PAQR9: variants seen among roughly 807,000 people sequenced by gnomAD.
PAQR9 encodes membrane progestin receptor epsilon.
In PAQR9, 12 loss-of-function variants were observed where a neutral mutation model predicts 24.0. The observed-to-expected ratio is 0.50, with a 90% CI of 0.32 to 0.81. PAQR9 has a LOEUF of 0.81. Ranked by LOEUF, PAQR9 falls within the 30% of genes least tolerant of loss-of-function variation. The pLI, the probability that PAQR9 is intolerant of heterozygous loss-of-function variation, is 0.03. For missense variants in PAQR9, 418 were observed against 520.8 expected (o/e 0.80, Z 1.92); for synonymous variants, 266 against 237.6 (o/e 1.12, Z -1.10).
In PAQR9 at chr3:142,962,491, G is replaced by C. The variant is rs1294150779; in HGVS notation, c.846C>G (p.Phe282Leu). 3 of 1,613,348 alleles carry C rather than the reference G, an allele frequency of 1.9e-6. No individual in the cohort carries two copies. The highest frequency in any genetic ancestry group is 1.7e-6 in the Non-Finnish European group (2 of 1,179,784). ...TLFVHFYRRY[F>L]WLVVAAFFNV... ...TGAAGAAGGCGGCCACCACCAGCCA[G>C]AAGTAGCGGCGGTAGAAGTGCACGA... Residue 282 changes from phenylalanine to leucine, a missense_variant, in exon 1 of 1, where the codon TTC (phenylalanine) becomes TTG (leucine). Physicochemically the swap from Phe to Leu is conservative, Grantham distance 22. Transcript: ENST00000340634.
chr3:142,962,536 A>G lies in PAQR9; in HGVS notation c.801T>C (p.Arg267=). Residue 267 remains arginine, a synonymous_variant, in exon 1 of 1, where the codon CGT becomes CGC. Coordinates refer to ENST00000340634, the MANE Select transcript of PAQR9 (RefSeq NM_198504.4). The stretch of plus-strand genomic sequence containing the variant: ...GCACGAAGAGTGTGGGGTTCTCCCC[A>G]CGCAGGTCGAAGAGCCAGCTCTCGA... ...IMLESWLFDL[R]GENPTLFVHF... 6.2e-7 allele frequency: 1 copy of G among 1,613,738 alleles called. No individual in the cohort carries two copies. The highest frequency in any genetic ancestry group is 8.5e-7 in the Non-Finnish European group (1 of 1,179,954).
chr3:142,952,208 A>G (rs1934726402), downstream of PAQR9, among the ~76,000 whole-genome samples: 1 of 152,154 alleles, frequency 6.6e-6, no homozygotes, highest in South Asian at 2.1e-4. Flanking sequence ...TGTAATGGAT[A>G]GAGTGTGGTT....
downstream of PAQR9, among the ~76,000 whole-genome samples, chr3:142,952,469 G>C (rs1934729097): frequency 6.6e-6 from 1 of 152,168 alleles, no homozygotes; most frequent in Non-Finnish European, 1.5e-5. Flanking sequence ...TGCAAATCCT[G>C]TTATACATGG....
At chr3:142,951,803 G>C (rs1161150627), downstream of PAQR9, 1 of 456,412 alleles carries the variant, frequency 2.2e-6, no homozygotes, top group African/African-American at 2.0e-5. Flanking sequence ...GTCAGCAGAG[G>C]AGACTGTAAA....
At position 142,963,263 on chromosome 3, in the gene PAQR9, G is replaced by A. The variant is rs564554259; in HGVS notation, c.74C>T (p.Ala25Val). 1.3e-5 allele frequency: 20 copies of A among 1,516,260 alleles called. No homozygotes were observed. Among genetic ancestry groups the A allele is most frequent in the Non-Finnish European group, 1.7e-5 (19 of 1,132,980 alleles). The allele number at this position is 1,516,260 out of a possible 1,614,324, so 93.9% of individuals were successfully genotyped here. A position where few individuals can be genotyped will look rare whatever the true frequency, so the allele number is the denominator to read the frequency against. ...GGCGGCAGAGTGGGAGTTCCGGGCG[G>A]CCCCCGAAGCTGCCGGGGCCGGGGC... Reference protein sequence around the residue: ...PPAPAPAASGAARNSHSAASR... With the variant: ...PPAPAPAASGVARNSHSAASR... Residue 25 changes from alanine to valine, a missense_variant, in exon 1 of 1, where the codon GCC becomes GTC. By Grantham distance (64) the Ala-to-Val change is moderately conservative (BLOSUM62 0). Coordinates refer to ENST00000340634, the MANE Select transcript of PAQR9 (RefSeq NM_198504.4).
rs1934794181 is a variant in PAQR9, at chr3:142,956,657, A to C, written c.*5546T>G. Among the ~76,000 whole-genome samples, 1 of 152,140 alleles carries C rather than the reference A, an allele frequency of 6.6e-6. No individual in the cohort carries two copies. The highest frequency in any genetic ancestry group is 2.4e-5 in the African/African-American group (1 of 41,436). ...CACATCCTGCCACAATTAACAGCTA[A>C]ATGAGCATTCTTGGCCCCTGACCTA... is the stretch of plus-strand genomic sequence containing the variant. On this transcript the variant is annotated 3_prime_UTR_variant, in exon 1 of 1. Coordinates refer to ENST00000340634, the MANE Select transcript of PAQR9 (RefSeq NM_198504.4).
chr3:142,957,899 CA>C lies in PAQR9; in HGVS notation c.*4303del, dbSNP rs1465822002. The stretch of plus-strand genomic sequence containing the variant: ...ATTCTATGGATTGCACTTATGCTAG[CA>C]AAAAAAGAGACCCAAACTCAGGGAC... On this transcript the variant is annotated 3_prime_UTR_variant, in exon 1 of 1. Coordinates refer to ENST00000340634, the MANE Select transcript of PAQR9 (RefSeq NM_198504.4). Among the ~76,000 whole-genome samples the C allele has an allele frequency of 4.6e-5, 7 of 152,050 alleles. No homozygotes were observed. The highest frequency in any genetic ancestry group is 1.7e-4 in the African/African-American group (7 of 41,392).
In PAQR9 at chr3:142,963,044, A is replaced by C; in HGVS notation, c.293T>G (p.Leu98Arg). The C allele has an allele frequency of 6.2e-7, 1 of 1,614,186 alleles. No individual in the cohort carries two copies. The highest frequency in any genetic ancestry group is 8.5e-7 in the Non-Finnish European group (1 of 1,180,014). The change falls in exon 1 of 1, where the codon CTG (leucine) becomes CGG (arginine). Residue 98 changes from leucine (L) to arginine (R), a missense_variant. Leu to Arg is a moderately radical substitution (Grantham distance 102, BLOSUM62 -2). Transcript: ENST00000340634. ...GAAGAACAGACGGCAGAACTTGCTC[A>C]GGAACAGCAGCAGCGGGATGAAGTG... Reference protein sequence around the residue: ...WTHFIPLLLFLSKFCRLFFLS... With the variant: ...WTHFIPLLLFRSKFCRLFFLS...
rs192605235 is a variant in PAQR9, at chr3:142,957,207, G to A, written c.*4996C>T. ...AATATACCTGGACACTCGTGCTCAG[G>A]TCAAACGCTACAAGATGTGGTTAAG... On this transcript the variant is annotated 3_prime_UTR_variant, in exon 1 of 1. Coordinates refer to ENST00000340634, the MANE Select transcript of PAQR9 (RefSeq NM_198504.4). Among the ~76,000 whole-genome samples, 123 of 152,316 alleles carry A rather than the reference G, an allele frequency of 8.1e-4. No individual in the cohort carries two copies. The highest frequency in any genetic ancestry group is 6.8e-3 in the Middle Eastern group (2 of 294).
At chr3:142,952,729 G>C, downstream of PAQR9, 1 of 456,508 alleles carries the variant, frequency 2.2e-6, no homozygotes, top group East Asian at 7.0e-5. Context: ...ACTGTTAGTA[G>C]CAGCCAGGGC....
chr3:142,952,828 G>A (rs768792693), downstream of PAQR9: 12 of 456,572 alleles, frequency 2.6e-5, no homozygotes, highest in South Asian at 9.3e-5. Flanking sequence ...CCAATCTTCC[G>A]TGATTTGTCC....
rs1934927215 is a variant in PAQR9, at chr3:142,962,797, G to A, written c.540C>T (p.Leu180=). The A allele has an allele frequency of 1.2e-6, 2 of 1,612,598 alleles. No individual in the cohort carries two copies. The highest frequency in any genetic ancestry group is 1.3e-5 in the African/African-American group (1 of 75,068). ...TCATGACTCTGGCATCCAGCAAGCT[G>A]AGGCCTGGCAACAGGTAGTAGTAGT... The part of the protein sequence containing the change: ...VAYYYYLLPG[L]SLLDARVMTP... The change falls in exon 1 of 1, where the codon CTC becomes CTT. Residue 180 remains leucine (L), a synonymous_variant. Coordinates refer to ENST00000340634, the MANE Select transcript of PAQR9 (RefSeq NM_198504.4).
At position 142,959,731 on chromosome 3, in the gene PAQR9, A is replaced by G. The variant is rs1326832335; in HGVS notation, c.*2472T>C. ...GACAAGAAGAGAATTCTGTCTGTGG[A>G]CCTGGAAGAACAACAAAAAATTAAA... On this transcript the variant is annotated 3_prime_UTR_variant, in exon 1 of 1. Transcript: ENST00000340634. Among the ~76,000 whole-genome samples, 1 of 152,226 alleles carries G rather than the reference A, an allele frequency of 6.6e-6. No homozygotes were observed. The highest frequency in any genetic ancestry group is 1.5e-5 in the Non-Finnish European group (1 of 68,028).
In PAQR9 at chr3:142,956,521, T is replaced by C. The variant is rs1299040199; in HGVS notation, c.*5682A>G. 2.0e-5 allele frequency among the ~76,000 whole-genome samples: 3 copies of C among 152,210 alleles called. No homozygotes were observed. ...GCATTACATTTAGAAGCACAATACATTGGGAAACATTCTCAAAAGCTCAAA... is the reference window on the plus strand; with the variant it reads ...GCATTACATTTAGAAGCACAATACACTGGGAAACATTCTCAAAAGCTCAAA... On this transcript the variant is annotated 3_prime_UTR_variant, in exon 1 of 1. Transcript: ENST00000340634.
At chr3:142,953,592 G>A (rs567715015), downstream of PAQR9, among the ~76,000 whole-genome samples, 22 of 152,052 alleles carry the variant, frequency 1.4e-4, no homozygotes, top group Non-Finnish European at 1.9e-4. Context: ...GGCTCAAACC[G>A]CCAGTCTCCC....
Position 142,963,193 on chromosome 3 carries a change from G to C in PAQR9, c.144C>G (p.Asp48Glu), listed in dbSNP as rs1390774381. 1 of 1,581,894 alleles carries C rather than the reference G, an allele frequency of 6.3e-7. No individual in the cohort carries two copies. The highest frequency in any genetic ancestry group is 8.6e-7 in the Non-Finnish European group (1 of 1,164,348). Reference sequence around the variant, plus strand: ...ACTCCACGAAGTCGTCGGGCACCTCGTCCCAGCGCAGCAGCGGCTTGGCAG... The same window carrying C: ...ACTCCACGAAGTCGTCGGGCACCTCCTCCCAGCGCAGCAGCGGCTTGGCAG... The part of the protein sequence containing the change: ...PASAKPLLRW[D>E]EVPDDFVECF... Residue 48 changes from aspartate (D) to glutamate (E), a missense_variant, in exon 1 of 1, where the codon GAC becomes GAG. Asp to Glu is a conservative substitution (Grantham distance 45). Transcript: ENST00000340634.
rs896622921 is a variant in PAQR9, at chr3:142,955,499, A to C, written c.*6704T>G. On this transcript the variant is annotated 3_prime_UTR_variant, in exon 1 of 1. Coordinates refer to ENST00000340634, the MANE Select transcript of PAQR9 (RefSeq NM_198504.4). Reference sequence around the variant, plus strand: ...AAAAGCAGCCACAGAATCCTCCCCCAGCCCTGAAACACAGAAAGCCTTTTT... The same window carrying C: ...AAAAGCAGCCACAGAATCCTCCCCCCGCCCTGAAACACAGAAAGCCTTTTT... Among the ~76,000 whole-genome samples the C allele has an allele frequency of 3.8e-5, 5 of 132,340 alleles. No individual in the cohort carries two copies. In the South Asian group the frequency reaches 8.3e-4, roughly 22 times the overall value. 86.8% of individuals were successfully genotyped at this position (132,340 alleles called of 152,430 possible). A position where few individuals can be genotyped will look rare whatever the true frequency, so the allele number is the denominator to read the frequency against.
upstream of PAQR9, chr3:142,963,840 C>T: frequency 1.0e-6 from 1 of 985,242 alleles, no homozygotes; most frequent in Non-Finnish European, 1.2e-6. Flanking sequence ...TCCCCTGTCT[C>T]GAGTTCCGTA....
At chr3:142,951,616 G>A (rs1166875112), downstream of PAQR9, 1 of 436,730 alleles carries the variant, frequency 2.3e-6, no homozygotes, top group Non-Finnish European at 4.5e-6. Flanking sequence ...AAACTCACTA[G>A]AAGAATTACA....
Sources: allele counts gnomAD v4.1 joint callset (sites outside exome capture counted in the v4.1 genomes callset), GRCh38; gene constraint gnomAD v4.1.1; transcripts MANE v1.5; gene names NCBI Gene and HGNC (gene_info 2026-07-23, HGNC 2026-07-21).